The following CDH12 variants were observed in gnomAD, a reference collection of about 807,000 sequenced individuals.
CDH12 encodes the protein cadherin-12.
CDH12 carries 41 observed loss-of-function variants against 74.1 expected under a neutral mutation model. The observed-to-expected ratio is 0.55, with a 90% confidence interval of 0.43 to 0.72. CDH12 has a LOEUF of 0.72. CDH12 is among the 30% of genes least tolerant of loss of function. The pLI is 0.00. For synonymous variants in CDH12, 399 were observed against 355.0 expected (o/e 1.12, Z -1.39); for missense variants, 945 against 977.2 (o/e 0.97, Z 0.44).
intron 1 of CDH12, among the ~76,000 whole-genome samples, chr5:22,846,492 GA>G (rs1211142037): frequency 6.6e-6 from 1 of 151,996 alleles, no homozygotes; most frequent in Non-Finnish European, 1.5e-5. Context: ...AGAGAACTCA[GA>G]AAAAGAGAAT....
chr5:22,415,862 C>T (rs1055373411), intron 2 of CDH12, among the ~76,000 whole-genome samples: 2 of 151,574 alleles, frequency 1.3e-5, no homozygotes, highest in African/African-American at 2.4e-5. Context: ...ACAAAAGAGT[C>T]TAGGAAATTG....
intron 6 of CDH12, among the ~76,000 whole-genome samples, chr5:21,933,788 CTG>C (rs1242250177): frequency 6.6e-6 from 1 of 152,050 alleles, no homozygotes; most frequent in Non-Finnish European, 1.5e-5. Context: ...TATATGGCAA[CTG>C]TGGAAAAGAG....
chr5:22,590,241 T>C (rs941761191), intron 1 of CDH12, among the ~76,000 whole-genome samples: 2 of 152,302 alleles, frequency 1.3e-5, no homozygotes, highest in Middle Eastern at 3.4e-3. Flanking sequence ...ACTCTTTCTC[T>C]CTTTTGAGTG....
At position 21,751,651 on chromosome 5, in the gene CDH12, TGA is replaced by T. The variant is rs1554025875; in HGVS notation, c.*84_*85del. The T allele has an allele frequency of 4.2e-5, 40 of 959,246 alleles. No individual in the cohort carries two copies. The highest frequency in any genetic ancestry group is 1.8e-4 in the African/African-American group (11 of 59,470). The allele number at this position is 959,246 out of a possible 1,614,324, so 59.4% of individuals were successfully genotyped here. A position where few individuals can be genotyped will look rare whatever the true frequency, so the allele number is the denominator to read the frequency against. On this transcript the variant is annotated 3_prime_UTR_variant, in exon 15 of 15. Transcript: ENST00000382254. The stretch of plus-strand genomic sequence containing the variant: ...GTGTGTTTGTGTGTGTGTGTGTGTG[TGA>T]GAGAGATTTCTATTAATATTTGTGT...
intron 8 of CDH12, among the ~76,000 whole-genome samples, chr5:21,833,980 A>G (rs1449158980): frequency 3.3e-5 from 5 of 151,860 alleles, no homozygotes; most frequent in African/African-American, 7.2e-5. Flanking sequence ...ATTAAATTAG[A>G]TGTGTTTATT....
At chr5:22,233,982 A>G (rs562982978) in intron 3 of CDH12, among the ~76,000 whole-genome samples, 59 of 152,294 alleles carry the variant, frequency 3.9e-4, no homozygotes, top group South Asian at 1.2e-3. Context: ...GAATTAGTTT[A>G]TATAAAACAA....
At chr5:22,315,033 A>G (rs1309682750) in intron 3 of CDH12, among the ~76,000 whole-genome samples, 2 of 110,562 alleles carry the variant, frequency 1.8e-5, no homozygotes, top group African/African-American at 7.4e-5. Context: ...GGCTCACTGC[A>G]AGCTCCGCCT....
At chr5:22,792,379 A>G (rs1049140491) in intron 1 of CDH12, among the ~76,000 whole-genome samples, 12 of 152,072 alleles carry the variant, frequency 7.9e-5, no homozygotes, top group African/African-American at 2.7e-4. Flanking sequence ...GTGAGCCACC[A>G]CGCCCGGCCT....
At position 22,554,685 on chromosome 5, in the gene CDH12, C is replaced by A. The variant is rs190172636; in HGVS notation, c.-522-49321G>T. ...GAGAAATTAATGCTTCCTACAATAGCCTATTTAACTATGTAATGATATCTG... is the reference window on the plus strand; with the variant it reads ...GAGAAATTAATGCTTCCTACAATAGACTATTTAACTATGTAATGATATCTG... On this transcript the variant is annotated intron_variant, in intron 1 of 14. Coordinates refer to ENST00000382254, the MANE Select transcript of CDH12 (RefSeq NM_004061.5). 6.7e-4 allele frequency among the ~76,000 whole-genome samples: 102 copies of A among 152,106 alleles called. 1 individual carries two copies. Among genetic ancestry groups the A allele is most frequent in the Non-Finnish European group, 1.2e-3 (81 of 67,962 alleles).
chr5:22,651,718 G>C (rs549525129), intron 1 of CDH12, among the ~76,000 whole-genome samples: 1 of 150,544 alleles, frequency 6.6e-6, no homozygotes, highest in South Asian at 2.1e-4. Context: ...TTTTTTCAGA[G>C]TAATAAAATG....
intron 4 of CDH12, among the ~76,000 whole-genome samples, chr5:22,116,901 T>A (rs1453201653): frequency 6.6e-6 from 1 of 150,916 alleles, no homozygotes; most frequent in Non-Finnish European, 1.5e-5. Flanking sequence ...GCCAGTGAAC[T>A]TTTTCCATCA....
At chr5:22,078,052 T>C (rs1322757236) in intron 5 of CDH12, among the ~76,000 whole-genome samples, 1 of 152,130 alleles carries the variant, frequency 6.6e-6, no homozygotes, top group Non-Finnish European at 1.5e-5. Flanking sequence ...GATTCTTCTC[T>C]GTGTCTCTTA....
At chr5:21,986,404 A>G (rs1302471299) in intron 5 of CDH12, among the ~76,000 whole-genome samples, 5 of 152,128 alleles carry the variant, frequency 3.3e-5, no homozygotes, top group Admixed American at 1.3e-4. Flanking sequence ...ACTTTAGCTC[A>G]CTCCAATTAT....
At chr5:22,837,079 A>T (rs1471335856) in intron 1 of CDH12, among the ~76,000 whole-genome samples, 1 of 152,194 alleles carries the variant, frequency 6.6e-6, no homozygotes, top group Non-Finnish European at 1.5e-5. Flanking sequence ...AATGAAAGAA[A>T]GACACAAAAA....
At chr5:22,067,888 G>C (rs1741677864) in intron 5 of CDH12, among the ~76,000 whole-genome samples, 1 of 152,120 alleles carries the variant, frequency 6.6e-6, no homozygotes, top group African/African-American at 2.4e-5. Flanking sequence ...TGAGGCAGAA[G>C]AATCGCTTGA....
At chr5:21,851,385 A>T (rs1750458919) in intron 7 of CDH12, among the ~76,000 whole-genome samples, 1 of 150,884 alleles carries the variant, frequency 6.6e-6, no homozygotes, top group African/African-American at 2.4e-5. Context: ...ATTAAATATT[A>T]TAATATTTTT....
At chr5:22,697,337 C>T (rs1297188882) in intron 1 of CDH12, among the ~76,000 whole-genome samples, 1 of 151,806 alleles carries the variant, frequency 6.6e-6, no homozygotes, top group Admixed American at 6.6e-5. Flanking sequence ...TTTGGGAGGC[C>T]GAGGCGGGTG....
chr5:22,464,611 C>A (rs1208143374), intron 2 of CDH12, among the ~76,000 whole-genome samples: 2 of 152,154 alleles, frequency 1.3e-5, no homozygotes, highest in Non-Finnish European at 2.9e-5. Flanking sequence ...CCTCAAAGTT[C>A]CCCCATTTCT....
intron 4 of CDH12, among the ~76,000 whole-genome samples, chr5:22,093,791 G>A (rs1043598002): frequency 6.6e-6 from 1 of 152,136 alleles, no homozygotes; most frequent in African/African-American, 2.4e-5. Flanking sequence ...TCGCAATAAA[G>A]TTGTTTAAAA....
Sources: allele counts gnomAD v4.1 joint callset (sites outside exome capture counted in the v4.1 genomes callset), GRCh38; gene constraint gnomAD v4.1.1; transcripts MANE v1.5; gene names NCBI Gene and HGNC (gene_info 2026-07-23, HGNC 2026-07-21).